Variants in SLC2A13 observed in about 807,000 individuals in gnomAD.
The protein encoded by SLC2A13 is solute carrier family 2 member 13, also known as proton myo-inositol cotransporter.
A neutral mutation model predicts 64.4 loss-of-function variants in SLC2A13; 32 were observed. The observed-to-expected ratio is 0.50, with a 90% CI of 0.37 to 0.67. The LOEUF is 0.67. Ranked by LOEUF, SLC2A13 falls within the 30% of genes least tolerant of loss-of-function variation. The probability of loss-of-function intolerance (pLI) is 0.00; values close to 1 mark genes in which losing one functional copy is unlikely to be tolerated. For missense variants in SLC2A13, 743 were observed against 829.2 expected (o/e 0.90, Z 1.28); for synonymous variants, 338 against 327.1 (o/e 1.03, Z -0.36).
intron 4 of SLC2A13, among the ~76,000 whole-genome samples, chr12:39,896,513 T>C (rs944885002): frequency 6.8e-6 from 1 of 147,522 alleles, no homozygotes; most frequent in East Asian, 2.0e-4. Context: ...TATGTACATG[T>C]GTGTATACAT....
chr12:39,809,678 T>C (rs562083555), intron 7 of SLC2A13, among the ~76,000 whole-genome samples: 124 of 152,004 alleles, frequency 8.2e-4, no homozygotes, highest in African/African-American at 2.8e-3. Context: ...CACAACAGTC[T>C]CTGGTGTGTG....
At chr12:40,081,913 T>C (rs984090073) in intron 1 of SLC2A13, among the ~76,000 whole-genome samples, 2 of 152,212 alleles carry the variant, frequency 1.3e-5, no homozygotes, top group African/African-American at 4.8e-5. Context: ...TGGGTATAAA[T>C]TGATTGGCTT....
chr12:40,048,341 C>A lies in SLC2A13; in HGVS notation c.557-131G>T, dbSNP rs1948201503. 7.2e-6 allele frequency: 6 copies of A among 829,010 alleles called. No homozygotes were observed. The South Asian group carries it at 1.6e-4, about 22-fold the overall frequency. 51.4% of individuals were successfully genotyped at this position (829,010 alleles called of 1,614,324 possible). On this transcript the variant is annotated intron_variant, in intron 1 of 9. Coordinates refer to ENST00000280871, the MANE Select transcript of SLC2A13 (RefSeq NM_052885.4). ...TTCTACTTTAAGCAAAGGTTTACCA[C>A]ATATTTAAGATTTTGTTCATAACTA...
At chr12:39,887,069 CTG>C (rs1409649809) in intron 4 of SLC2A13, among the ~76,000 whole-genome samples, 1 of 152,106 alleles carries the variant, frequency 6.6e-6, no homozygotes, top group Non-Finnish European at 1.5e-5. Flanking sequence ...AAAAAAGAGA[CTG>C]TTATGGAAAT....
At chr12:40,079,420 G>A (rs1446097199) in intron 1 of SLC2A13, among the ~76,000 whole-genome samples, 2 of 152,172 alleles carry the variant, frequency 1.3e-5, no homozygotes, top group African/African-American at 4.8e-5. Context: ...TACAGTTTGG[G>A]GGATCTTCTT....
chr12:39,979,065 T>A (rs949053420), intron 3 of SLC2A13, among the ~76,000 whole-genome samples: 1 of 151,860 alleles, frequency 6.6e-6, no homozygotes, highest in African/African-American at 2.4e-5. Context: ...AGCGGCACAC[T>A]GACACCTCAC....
chr12:39,928,885 TATCTC>T (rs909684836), intron 4 of SLC2A13, among the ~76,000 whole-genome samples: 1 of 152,170 alleles, frequency 6.6e-6, no homozygotes, highest in Non-Finnish European at 1.5e-5. Flanking sequence ...AGGTACCAAA[TATCTC>T]AGACAGTAGA....
intron 7 of SLC2A13, among the ~76,000 whole-genome samples, chr12:39,776,338 C>T (rs1480626148): frequency 6.6e-6 from 1 of 152,206 alleles, no homozygotes; most frequent in Non-Finnish European, 1.5e-5. Flanking sequence ...CCCCTCGCCA[C>T]CAAGCACAAG....
chr12:39,963,666 C>T (rs931004809), intron 3 of SLC2A13, among the ~76,000 whole-genome samples: 1 of 152,178 alleles, frequency 6.6e-6, no homozygotes, highest in African/African-American at 2.4e-5. Context: ...ATTCTTGAAT[C>T]TCTATCAGAG....
chr12:40,068,959 G>A (rs1456020857), intron 1 of SLC2A13, among the ~76,000 whole-genome samples: 1 of 152,018 alleles, frequency 6.6e-6, no homozygotes, highest in Non-Finnish European at 1.5e-5. Flanking sequence ...CTTCTTGTAA[G>A]AAATGTGGCC....
intron 6 of SLC2A13, among the ~76,000 whole-genome samples, chr12:39,838,118 T>G (rs1592189766): frequency 1.4e-5 from 2 of 147,290 alleles, no homozygotes; most frequent in South Asian, 2.2e-4. Context: ...TAGACTGGAT[T>G]AAGAAAATGT....
chr12:40,031,254 A>C (rs886877574), intron 2 of SLC2A13, among the ~76,000 whole-genome samples: 1 of 151,874 alleles, frequency 6.6e-6, no homozygotes, highest in Non-Finnish European at 1.5e-5. Context: ...ATGGAGTCTC[A>C]CTCTGTTGCC....
intron 1 of SLC2A13, among the ~76,000 whole-genome samples, chr12:40,060,917 C>T (rs1475213688): frequency 6.6e-6 from 1 of 152,078 alleles, no homozygotes; most frequent in African/African-American, 2.4e-5. Context: ...AGAAGAGAAT[C>T]AAAAGACATG....
At chr12:39,852,783 A>C (rs1347662424) in intron 6 of SLC2A13, among the ~76,000 whole-genome samples, 1 of 152,188 alleles carries the variant, frequency 6.6e-6, no homozygotes, top group Admixed American at 6.5e-5. Flanking sequence ...TCCTGAAACC[A>C]ATCAGATTGG....
At chr12:39,877,833 A>T (rs1944230706) in intron 4 of SLC2A13, among the ~76,000 whole-genome samples, 3 of 152,200 alleles carry the variant, frequency 2.0e-5, no homozygotes, top group Admixed American at 1.3e-4. Context: ...TATAATTTGG[A>T]TATTCATCCC....
intron 3 of SLC2A13, among the ~76,000 whole-genome samples, chr12:39,971,997 AAT>A (rs71078206): frequency 2.8e-4 from 22 of 77,352 alleles, no homozygotes; most frequent in East Asian, 2.2e-3. Flanking sequence ...AAAAAAAAAA[AAT>A]ATATATATAT....
chr12:39,862,177 C>A (rs1267405197), intron 6 of SLC2A13, among the ~76,000 whole-genome samples: 2 of 152,154 alleles, frequency 1.3e-5, no homozygotes, highest in East Asian at 3.8e-4. Flanking sequence ...CAATCAAAAA[C>A]TTAAAATATT....
At chr12:39,927,596 T>C (rs1184829111) in intron 4 of SLC2A13, among the ~76,000 whole-genome samples, 1 of 152,158 alleles carries the variant, frequency 6.6e-6, no homozygotes, top group Non-Finnish European at 1.5e-5. Context: ...CAATAACATA[T>C]CAAACGAGAA....
At chr12:39,927,843 C>T (rs1056950564) in intron 4 of SLC2A13, among the ~76,000 whole-genome samples, 4 of 152,128 alleles carry the variant, frequency 2.6e-5, no homozygotes, top group East Asian at 3.8e-4. Flanking sequence ...TTTATATCAA[C>T]ACTTATTGAG....
Sources: gnomAD v4.1 joint callset for allele counts (sites outside exome capture counted in the v4.1 genomes callset) on GRCh38, gnomAD v4.1.1 for gene constraint, MANE v1.5 for transcripts, NCBI Gene and HGNC (gene_info 2026-07-23, HGNC 2026-07-21) for gene names.